CDK8: variants seen among roughly 807,000 people sequenced by gnomAD.
The protein encoded by CDK8 is cyclin-dependent kinase 8.
In CDK8, 29 loss-of-function variants were observed where a neutral mutation model predicts 71.5. The ratio of observed to expected loss-of-function variants is 0.41; its 90% CI spans 0.30 to 0.55. The LOEUF is 0.55. CDK8 is among the 20% of genes least tolerant of loss of function. The probability of loss-of-function intolerance (pLI) is 0.37; values close to 1 mark genes in which losing one functional copy is unlikely to be tolerated. For synonymous variants in CDK8, 161 were observed against 192.1 expected, an observed-to-expected ratio of 0.84 and a Z score of 1.34; for missense variants, 288 against 572.6, an observed-to-expected ratio of 0.50 and a Z score of 5.07.
In CDK8 at chr13:26,277,096, T is replaced by G. The variant is rs17083613; in HGVS notation, c.128+22327T>G. ...AGAACACACAAACAATGCAGCTCTG[T>G]GTGCCTATTCTTTGATGCAACTATT... is the stretch of plus-strand genomic sequence containing the variant. On this transcript the variant is annotated intron_variant, in intron 1 of 12. Transcript: ENST00000381527. 7.9e-3 allele frequency among the ~76,000 whole-genome samples: 1,211 copies of G among 152,334 alleles called. 25 individuals carry two copies. The highest frequency in any genetic ancestry group is 0.026 in the African/African-American group (1,090 of 41,582).
rs866454568 is a variant in CDK8, at chr13:26,297,632, C to T, written c.129-39935C>T. ...TTAACAGTACCTGATAAGTTCCTTT[C>T]TCTCAAGTTCAAGGACTGTCTTTCT... On this transcript the variant is annotated intron_variant, in intron 1 of 12. Transcript: ENST00000381527. Among the ~76,000 whole-genome samples the T allele has an allele frequency of 3.9e-5, 6 of 152,266 alleles. No individual in the cohort carries two copies. In the South Asian group the frequency reaches 6.2e-4, roughly 16 times the overall value.
At chr13:26,267,073 T>G (rs1465125682) in intron 1 of CDK8, among the ~76,000 whole-genome samples, 1 of 152,236 alleles carries the variant, frequency 6.6e-6, no homozygotes. Context: ...ATATTATGCA[T>G]CTTTCCATGT....
At chr13:26,359,082 A>G in intron 4 of CDK8, 1 of 265,896 alleles carries the variant, frequency 3.8e-6, no homozygotes, top group Non-Finnish European at 7.5e-6. Context: ...ATGTACAAGG[A>G]TGAACCTTGA....
At chr13:26,377,980 A>G (rs1465873351) in intron 4 of CDK8, among the ~76,000 whole-genome samples, 3 of 152,248 alleles carry the variant, frequency 2.0e-5, no homozygotes, top group Non-Finnish European at 4.4e-5. Flanking sequence ...CACTGACAAT[A>G]TAGTTTCTTA....
At chr13:26,304,233 C>CT (rs1307887491) in intron 1 of CDK8, among the ~76,000 whole-genome samples, 12 of 150,864 alleles carry the variant, frequency 8.0e-5, no homozygotes, top group Admixed American at 7.9e-4. Context: ...CGCTACACTC[C>CT]AGCCTGAGCA....
chr13:26,255,874 G>A (rs972541978), intron 1 of CDK8, among the ~76,000 whole-genome samples: 1 of 151,184 alleles, frequency 6.6e-6, no homozygotes, highest in Non-Finnish European at 1.5e-5. Flanking sequence ...ACATTAGCAC[G>A]AAAAAAAAAT....
chr13:26,306,663 C>T (rs2137924321), intron 1 of CDK8, among the ~76,000 whole-genome samples: 1 of 130,262 alleles, frequency 7.7e-6, no homozygotes, highest in Admixed American at 9.0e-5. Flanking sequence ...GAGTCTCATT[C>T]TGTCGCCCAG....
At chr13:26,292,116 T>C (rs1015464551) in intron 1 of CDK8, among the ~76,000 whole-genome samples, 2 of 152,200 alleles carry the variant, frequency 1.3e-5, no homozygotes, top group African/African-American at 4.8e-5. Flanking sequence ...TAGAGAAAGA[T>C]AGTTATTTCA....
chr13:26,361,037 C>T (rs1358889399), intron 4 of CDK8, among the ~76,000 whole-genome samples: 1 of 152,172 alleles, frequency 6.6e-6, no homozygotes, highest in African/African-American at 2.4e-5. Context: ...TTGTTTCACT[C>T]AGTGAAACCT....
chr13:26,358,503 C>T lies in CDK8; in HGVS notation c.456+4623C>T, dbSNP rs550449879. On this transcript the variant is annotated intron_variant, in intron 4 of 12. Coordinates refer to ENST00000381527, the MANE Select transcript of CDK8 (RefSeq NM_001260.3). ...GACTAAGTGGGAAATACTGTGAAAACAAGTAAAGATACATTTAACTTTCTA... is the reference window on the plus strand; with the variant it reads ...GACTAAGTGGGAAATACTGTGAAAATAAGTAAAGATACATTTAACTTTCTA... Among the ~76,000 whole-genome samples, 4 of 152,166 alleles carry T rather than the reference C, an allele frequency of 2.6e-5. No individual in the cohort carries two copies. In the South Asian group the frequency reaches 8.3e-4, roughly 32 times the overall value.
In CDK8 at chr13:26,404,355, T is replaced by C. The variant is rs1876415157; in HGVS notation, c.*274T>C. ...ACTTGACATGGTTCAGACTGACCAA[T>C]GCATTTTTTTCAGTGACAGTCTGTA... On this transcript the variant is annotated 3_prime_UTR_variant, in exon 13 of 13. Transcript: ENST00000381527. 3 of 322,006 alleles carry C rather than the reference T, an allele frequency of 9.3e-6. No homozygotes were observed. Among genetic ancestry groups the C allele is most frequent in the Admixed American group, 4.5e-5 (1 of 22,152 alleles). 19.9% of individuals were successfully genotyped at this position (322,006 alleles called of 1,614,324 possible). A position where few individuals can be genotyped will look rare whatever the true frequency, so the allele number is the denominator to read the frequency against.
chr13:26,383,888 G>A (rs1349555078), intron 5 of CDK8, among the ~76,000 whole-genome samples: 3 of 152,114 alleles, frequency 2.0e-5, no homozygotes, highest in African/African-American at 2.4e-5. Context: ...AGAACCTGTC[G>A]GCACTCACCC....
At chr13:26,266,228 G>T (rs955892535) in intron 1 of CDK8, among the ~76,000 whole-genome samples, 5 of 152,182 alleles carry the variant, frequency 3.3e-5, no homozygotes, top group Non-Finnish European at 7.3e-5. Flanking sequence ...TGTGCATTAG[G>T]CAGATATGTA....
At chr13:26,380,696 G>T (rs778803207) in intron 4 of CDK8, among the ~76,000 whole-genome samples, 20 of 152,116 alleles carry the variant, frequency 1.3e-4, no homozygotes, top group Non-Finnish European at 2.5e-4. Flanking sequence ...GCCCAGGCTG[G>T]CCTTGAGCTC....
chr13:26,359,671 A>G lies in CDK8; in HGVS notation c.456+5791A>G, dbSNP rs376895592. The G allele has an allele frequency of 2.0e-5, 8 of 395,792 alleles. No homozygotes were observed. The East Asian group carries it at 2.5e-4, about 13-fold the overall frequency. 24.5% of individuals were successfully genotyped at this position (395,792 alleles called of 1,614,324 possible). On this transcript the variant is annotated intron_variant, in intron 4 of 12. Coordinates refer to ENST00000381527, the MANE Select transcript of CDK8 (RefSeq NM_001260.3). ...CCTGTGTTGTGACCATTTTGAGAGC[A>G]TCTAGACAACTTCACTAACTGCAGC...
chr13:26,400,288 A>G (rs1566000449), intron 9 of CDK8, 165 bp from the exon 10 acceptor site: 1 of 590,712 alleles, frequency 1.7e-6, no homozygotes, highest in Non-Finnish European at 3.0e-6. Context: ...AGTGTGAATT[A>G]CTACATTAAA....
chr13:26,399,797 C>T (rs1013976520), intron 9 of CDK8, among the ~76,000 whole-genome samples: 2 of 152,220 alleles, frequency 1.3e-5, no homozygotes, highest in African/African-American at 4.8e-5. Context: ...ATTAAGGTAA[C>T]TTATCCAATG....
intron 1 of CDK8, among the ~76,000 whole-genome samples, chr13:26,337,263 A>G (rs1873034399): frequency 6.6e-6 from 1 of 152,206 alleles, no homozygotes; most frequent in Non-Finnish European, 1.5e-5. Context: ...TGTTATGTTC[A>G]TATATTAGAG....
chr13:26,381,222 A>T (rs1457680761), intron 4 of CDK8, among the ~76,000 whole-genome samples: 1 of 152,208 alleles, frequency 6.6e-6, no homozygotes, highest in Non-Finnish European at 1.5e-5. Context: ...GCAATCCTTT[A>T]GCAAATAGAA....
Sources: allele counts gnomAD v4.1 joint callset (sites outside exome capture counted in the v4.1 genomes callset), GRCh38; gene constraint gnomAD v4.1.1; transcripts MANE v1.5; gene names NCBI Gene and HGNC (gene_info 2026-07-23, HGNC 2026-07-21).